FBXW9: variants seen among roughly 807,000 people sequenced by gnomAD.
FBXW9 encodes the protein F-box and WD repeat domain containing 9, also known as F-box/WD repeat-containing protein 9.
Under a neutral mutation model 55.8 loss-of-function variants are expected in FBXW9, and 38 were observed. The observed-to-expected ratio is 0.68, with a 90% confidence interval of 0.53 to 0.89. FBXW9 has a LOEUF of 0.89. Ranked by LOEUF, FBXW9 falls within the 40% of genes least tolerant of loss-of-function variation. FBXW9 has a pLI of 0.00. For missense variants in FBXW9, 590 were observed against 619.4 expected, an observed-to-expected ratio of 0.95 and a Z score of 0.50; for synonymous variants, 289 against 278.2, an observed-to-expected ratio of 1.04 and a Z score of -0.38.
In FBXW9 at chr19:12,696,395, A is replaced by C; in HGVS notation, c.187T>G (p.Ser63Ala). The change falls in exon 1 of 10, where the codon TCG becomes GCG. Residue 63 changes from serine (S) to alanine (A), a missense_variant. Physicochemically the swap from Ser to Ala is moderately conservative, Grantham distance 99 (BLOSUM62 1). Transcript: ENST00000393261. ...ACCCTGGACGCGGCCCGAGGCTCCG[A>C]AGCGCTCGGGGACGCGGCGGGTGTG... ...LSTPAASPSA[S>A]EPRAASRVSA... is the part of the protein sequence containing the mutation. 1.2e-6 allele frequency: 2 copies of C among 1,611,872 alleles called. No homozygotes were observed. Among genetic ancestry groups the C allele is most frequent in the Non-Finnish European group, 1.7e-6 (2 of 1,179,522 alleles).
At chr19:12,693,557 TATATACACACACACACACACACAC>T (rs2025037417) in intron 3 of FBXW9, among the ~76,000 whole-genome samples, 6 of 16,752 alleles carry the variant, frequency 3.6e-4, no homozygotes, top group African/African-American at 8.2e-4. Context: ...TATATATATA[TATATACACACACACACACACACAC>T]ACACACACAC....
chr19:12,694,772 C>T (rs370864656), intron 2 of FBXW9, 27 bp downstream of exon 2: 11 of 1,613,650 alleles, frequency 6.8e-6, no homozygotes, highest in Admixed American at 1.7e-5. Flanking sequence ...GCCCACCCTG[C>T]CTGGCCCCCC....
In FBXW9 at chr19:12,696,387, A is replaced by C. The variant is rs571151401; in HGVS notation, c.195T>G (p.Pro65=). ...CGGCCGAAACCCTGGACGCGGCCCGAGGCTCCGAAGCGCTCGGGGACGCGG... is the reference window on the plus strand; with the variant it reads ...CGGCCGAAACCCTGGACGCGGCCCGCGGCTCCGAAGCGCTCGGGGACGCGG... ...TPAASPSASE[P]RAASRVSAVS... is the part of the protein sequence containing the mutation. Residue 65 remains proline, a synonymous_variant, in exon 1 of 10, where the codon CCT becomes CCG. Transcript: ENST00000393261. 5.0e-5 allele frequency: 81 copies of C among 1,611,446 alleles called. No individual in the cohort carries two copies. The South Asian group carries it at 8.0e-4, about 16-fold the overall frequency.
Position 12,689,033 on chromosome 19 carries a change from C to T in FBXW9, c.*183G>A. The stretch of plus-strand genomic sequence containing the variant: ...AAGCGGCCCCCTGGGTGGGCCTGAA[C>T]CCCAATTTCACCCTTCCCCCGGGCA... On this transcript the variant is annotated 3_prime_UTR_variant, in exon 10 of 10. Transcript: ENST00000393261. This position sits in a 1 kb window ranked among gnomAD's most constrained non-coding sequence, Gnocchi z 5.9. 1 of 709,778 alleles carries T rather than the reference C, an allele frequency of 1.4e-6. No individual in the cohort carries two copies. The highest frequency in any genetic ancestry group is 1.5e-5 in the South Asian group (1 of 67,056). The allele number at this position is 709,778 out of a possible 1,614,324, so 44.0% of individuals were successfully genotyped here. A position where few individuals can be genotyped will look rare whatever the true frequency, so the allele number is the denominator to read the frequency against.
At position 12,694,660 on chromosome 19, in the gene FBXW9, C is replaced by G; in HGVS notation, c.612G>C (p.Gln204His). ...DRNVNLWDLRQLGTESNQVLI... is the reference protein window; with the variant it reads ...DRNVNLWDLRHLGTESNQVLI... Reference sequence around the variant, plus strand: ...GAACCTGGTTGGACTCCGTCCCCAGCTGCCGCAGGTCCCACAAGTTGACGT... The same window carrying G: ...GAACCTGGTTGGACTCCGTCCCCAGGTGCCGCAGGTCCCACAAGTTGACGT... The change falls in exon 3 of 10, where the codon CAG becomes CAC. Residue 204 changes from glutamine (Q) to histidine (H), a missense_variant. Coordinates refer to ENST00000393261, the MANE Select transcript of FBXW9 (RefSeq NM_032301.3). The G allele has an allele frequency of 6.2e-7, 1 of 1,614,224 alleles. No homozygotes were observed. The highest frequency in any genetic ancestry group is 8.5e-7 in the Non-Finnish European group (1 of 1,180,046).
intron 3 of FBXW9, 62 bp downstream of exon 3, chr19:12,694,532 G>A (rs1466443282): frequency 1.7e-5 from 27 of 1,566,692 alleles, no homozygotes; most frequent in Non-Finnish European, 2.2e-5. Flanking sequence ...ACCAAAACCT[G>A]GGGCCTTAAC....
rs375872729 is a variant in FBXW9 at position 12,689,484 on chromosome 19, T to C, written c.1237-47A>G. ...GGTCAAGAGGTGTGCCCCTGGCTGA[T>C]GGAGGTAGGGGAGAGGCAGGGACTG... On this transcript the variant is annotated intron_variant, in intron 8 of 9. Transcript: ENST00000393261. The surrounding 1 kb of genome is among the most constrained non-coding windows in gnomAD (Gnocchi z 5.9). 4 of 1,611,966 alleles carry C rather than the reference T, an allele frequency of 2.5e-6. No individual in the cohort carries two copies. Among genetic ancestry groups the C allele is most frequent in the Non-Finnish European group, 3.4e-6 (4 of 1,178,360 alleles).
Position 12,694,956 on chromosome 19 carries a change from T to G in FBXW9, c.410-18A>C. 1 of 1,608,414 alleles carries G rather than the reference T, an allele frequency of 6.2e-7. No individual in the cohort carries two copies. Among genetic ancestry groups the G allele is most frequent in the Non-Finnish European group, 8.5e-7 (1 of 1,178,616 alleles). ...GTTCTTCTCTGTGGGTTACCACGAG[T>G]AGGGTGCCCAGTGGGCAGGGACCCT... On this transcript the variant is annotated intron_variant, in intron 1 of 9. Coordinates refer to ENST00000393261, the MANE Select transcript of FBXW9 (RefSeq NM_032301.3).
rs772772905 is a variant in FBXW9 at position 12,691,419 on chromosome 19, G to A, written c.714C>T (p.Arg238=). ...TGCTGTCCCAGGAGCCGGAGCACAC[G>A]CGGTGGTCCTGCGCTGCCAGTGACC... ...WVWSLAAQDH[R]VCSGSWDSTV... Residue 238 remains arginine, a synonymous_variant, in exon 4 of 10, where the codon CGC becomes CGT. Transcript: ENST00000393261. The A allele has an allele frequency of 5.1e-5, 81 of 1,601,434 alleles. 1 individual carries two copies. The South Asian group carries it at 6.4e-4, about 13-fold the overall frequency.
At position 12,691,619 on chromosome 19, in the gene FBXW9, C is replaced by A. The variant is rs73923903; in HGVS notation, c.679-165G>T. 7.3e-3 allele frequency among the ~76,000 whole-genome samples: 1,112 copies of A among 152,326 alleles called. 18 individuals carry two copies. Among genetic ancestry groups the A allele is most frequent in the African/African-American group, 0.026 (1,072 of 41,570 alleles). ...ATGGTGATAGATGCTGCAGCAAGTA[C>A]AACACCCAACTCTGGCTCCAGGTGA... On this transcript the variant is annotated intron_variant, in intron 3 of 9. Transcript: ENST00000393261.
At chr19:12,694,481 C>T in intron 3 of FBXW9, 113 bp downstream of exon 3, 2 of 1,206,244 alleles carry the variant, frequency 1.7e-6, no homozygotes, top group Non-Finnish European at 2.3e-6. Context: ...CAAAGTCACA[C>T]CAAGGTTAGA....
chr19:12,689,311 G>A lies in FBXW9; in HGVS notation c.1303-21C>T, dbSNP rs2024968621. Reference sequence around the variant, plus strand: ...CAGACCTGGGAAGGGGGAGGAACATGAGGAGTCAGGGACGATGGCGCTCTG... The same window carrying A: ...CAGACCTGGGAAGGGGGAGGAACATAAGGAGTCAGGGACGATGGCGCTCTG... On this transcript the variant is annotated intron_variant, in intron 9 of 9. Coordinates refer to ENST00000393261, the MANE Select transcript of FBXW9 (RefSeq NM_032301.3). This position sits in a 1 kb window ranked among gnomAD's most constrained non-coding sequence, Gnocchi z 5.9. The A allele has an allele frequency of 1.2e-6, 2 of 1,614,208 alleles. No homozygotes were observed. Among genetic ancestry groups the A allele is most frequent in the East Asian group, 4.5e-5 (2 of 44,890 alleles).
At position 12,689,462 on chromosome 19, in the gene FBXW9, C is replaced by T; in HGVS notation, c.1237-25G>A. The T allele has an allele frequency of 6.2e-7, 1 of 1,614,042 alleles. No homozygotes were observed. Among genetic ancestry groups the T allele is most frequent in the Non-Finnish European group, 8.5e-7 (1 of 1,179,986 alleles). On this transcript the variant is annotated intron_variant, in intron 8 of 9. Coordinates refer to ENST00000393261, the MANE Select transcript of FBXW9 (RefSeq NM_032301.3). The surrounding 1 kb of genome is among the most constrained non-coding windows in gnomAD (Gnocchi z 5.9). ...CCTAGTGAGGGGCAATGGGCGAGGT[C>T]AAGAGGTGTGCCCCTGGCTGATGGA... is the stretch of plus-strand genomic sequence containing the variant.
Position 12,691,209 on chromosome 19 carries a change from C to T in FBXW9, c.840G>A (p.Val280=), listed in dbSNP as rs776441482. The change falls in exon 5 of 10, where the codon GTG becomes GTA. Residue 280 remains valine, a synonymous_variant. Transcript: ENST00000393261. ...TCACCTTCTTGTCATAGGTGCCAGTCACCAGGATGTCAGGCAGGTAGGAGA... is the reference window on the plus strand; with the variant it reads ...TCACCTTCTTGTCATAGGTGCCAGTTACCAGGATGTCAGGCAGGTAGGAGA... ...LCLSYLPDIL[V]TGTYDKKVTI... is the part of the protein sequence containing the mutation. 1 of 1,614,200 alleles carries T rather than the reference C, an allele frequency of 6.2e-7. No individual in the cohort carries two copies. Among genetic ancestry groups the T allele is most frequent in the South Asian group, 1.1e-5 (1 of 91,064 alleles).
rs1374141441 is a variant in FBXW9 at position 12,689,219 on chromosome 19, G to C, written c.1374C>G (p.Ala458=). ...ATCCACATCCACGCCCACCTGCTCA[G>C]GCCTGCAGCCTCCAGACCTCTAGCG... ...DLSLEVWRLQ[A] The change falls in exon 10 of 10, where the codon GCC becomes GCG. Residue 458 remains alanine (A), a synonymous_variant. Coordinates refer to ENST00000393261, the MANE Select transcript of FBXW9 (RefSeq NM_032301.3). This position sits in a 1 kb window ranked among gnomAD's most constrained non-coding sequence, Gnocchi z 5.9. 3 of 1,607,388 alleles carry C rather than the reference G, an allele frequency of 1.9e-6. No individual in the cohort carries two copies. In the East Asian group the frequency reaches 6.7e-5, roughly 36 times the overall value.
At chr19:12,690,231 C>G (rs890843008) in intron 5 of FBXW9, 121 bp from the exon 6 acceptor site, 3 of 1,513,976 alleles carry the variant, frequency 2.0e-6, no homozygotes, top group African/African-American at 2.7e-5. Context: ...CTCATTCCCC[C>G]ACCCCACAGA....
rs376353864 is a variant in FBXW9 at position 12,690,116 on chromosome 19, T to A, written c.884-6A>T. On this transcript the variant is annotated splice_polypyrimidine_tract_variant and splice_region_variant and intron_variant, in intron 5 of 9. Transcript: ENST00000393261. Reference sequence around the variant, plus strand: ...CTTCAACAGGGCTGGGCCGGCTTCATGGGTGATGGGCCGGTGAGGAGGGAT... The same window carrying A: ...CTTCAACAGGGCTGGGCCGGCTTCAAGGGTGATGGGCCGGTGAGGAGGGAT... 11 of 1,613,376 alleles carry A rather than the reference T, an allele frequency of 6.8e-6. No individual in the cohort carries two copies. The African/African-American group carries it at 1.1e-4, about 16-fold the overall frequency.
chr19:12,696,503 C>T lies in FBXW9; in HGVS notation c.79G>A (p.Asp27Asn). 6.2e-7 allele frequency: 1 copy of T among 1,612,874 alleles called. No individual in the cohort carries two copies. Among genetic ancestry groups the T allele is most frequent in the Non-Finnish European group, 8.5e-7 (1 of 1,180,000 alleles). Residue 27 changes from aspartate to asparagine, a missense_variant, in exon 1 of 10, where the codon GAC becomes AAC. Coordinates refer to ENST00000393261, the MANE Select transcript of FBXW9 (RefSeq NM_032301.3). ...DSDPESETDPDAQAKAYVARV... is the reference protein window; with the variant it reads ...DSDPESETDPNAQAKAYVARV... Reference sequence around the variant, plus strand: ...GCCACGTAGGCCTTGGCCTGCGCGTCTGGGTCTGTCTCTGACTCTGGGTCC... The same window carrying T: ...GCCACGTAGGCCTTGGCCTGCGCGTTTGGGTCTGTCTCTGACTCTGGGTCC...
chr19:12,692,097 T>A (rs1465990353), intron 3 of FBXW9, among the ~76,000 whole-genome samples: 1 of 150,246 alleles, frequency 6.7e-6, no homozygotes, highest in Non-Finnish European at 1.5e-5. Context: ...TCTTGCTGTG[T>A]CATCCAGGCA....
Sources: gnomAD v4.1 joint callset for allele counts (sites outside exome capture counted in the v4.1 genomes callset) on GRCh38, gnomAD v4.1.1 for gene constraint, Gnocchi (gnomAD v3.1) non-coding constraint, MANE v1.5 for transcripts, NCBI Gene and HGNC (gene_info 2026-07-23, HGNC 2026-07-21) for gene names.